CSTPP1: variants seen among roughly 807,000 people sequenced by gnomAD.
CSTPP1 encodes the protein centriolar satellite-associated tubulin polyglutamylase complex regulator 1.
At chr11:47,090,092 C>A in the CSTPP1 span, among the ~76,000 whole-genome samples, 1 of 152,178 alleles carries the variant, frequency 6.6e-6, no homozygotes, top group Admixed American at 6.5e-5. Context: ...AGCGATTCTC[C>A]TGCCTCAGCC....
At chr11:47,112,300 T>G in the CSTPP1 span, among the ~76,000 whole-genome samples, 2 of 149,110 alleles carry the variant, frequency 1.3e-5, no homozygotes, top group South Asian at 4.3e-4. Flanking sequence ...TCAGTTAACT[T>G]TCTATATAGC....
At chr11:47,093,677 TG>T in the CSTPP1 span, among the ~76,000 whole-genome samples, 1 of 152,186 alleles carries the variant, frequency 6.6e-6, no homozygotes, top group Admixed American at 6.5e-5. Context: ...TGCTTGGTCT[TG>T]GGTAAGTTCC....
chr11:47,007,932 C>T, the CSTPP1 span, among the ~76,000 whole-genome samples: 1 of 152,008 alleles, frequency 6.6e-6, no homozygotes, highest in Non-Finnish European at 1.5e-5. Flanking sequence ...TACCAGAGTC[C>T]CAGCCCCCAA....
the CSTPP1 span, among the ~76,000 whole-genome samples, chr11:47,126,066 A>G: frequency 3.3e-5 from 5 of 151,920 alleles, no homozygotes; most frequent in Admixed American, 3.3e-4. Context: ...AATGAAATAT[A>G]CTTTTCTCTT....
At chr11:46,966,745 C>A in the CSTPP1 span, among the ~76,000 whole-genome samples, 4 of 152,108 alleles carry the variant, frequency 2.6e-5, no homozygotes, top group African/African-American at 9.7e-5. Context: ...ATTAAAAAGG[C>A]ATGTACTTAT....
At chr11:46,963,661 T>C in the CSTPP1 span, among the ~76,000 whole-genome samples, 1 of 151,916 alleles carries the variant, frequency 6.6e-6, no homozygotes, top group Non-Finnish European at 1.5e-5. Context: ...TGCACACACC[T>C]GTAATCCCAG....
chr11:47,151,941 A>C, the CSTPP1 span, among the ~76,000 whole-genome samples: 1 of 152,008 alleles, frequency 6.6e-6, no homozygotes, highest in Non-Finnish European at 1.5e-5. Context: ...ACTGTTGTAG[A>C]ATAAAATTTA....
chr11:47,118,315 C>A, the CSTPP1 span, among the ~76,000 whole-genome samples: 1 of 152,150 alleles, frequency 6.6e-6, no homozygotes, highest in Non-Finnish European at 1.5e-5. Context: ...CATTTAAGGT[C>A]TTCTCTACAC....
the CSTPP1 span, among the ~76,000 whole-genome samples, chr11:46,961,726 TC>T: frequency 6.6e-6 from 1 of 152,208 alleles, no homozygotes; most frequent in Admixed American, 6.5e-5. Context: ...AGGTTTTTGA[TC>T]CATTTTAAAA....
At chr11:46,992,093 A>T in the CSTPP1 span, among the ~76,000 whole-genome samples, 1 of 152,280 alleles carries the variant, frequency 6.6e-6, no homozygotes, top group South Asian at 2.1e-4. Flanking sequence ...TGCTTTGCAT[A>T]TAATAGATGT....
chr11:47,041,603 C>T, the CSTPP1 span: 444 of 409,966 alleles, frequency 1.1e-3, 24 homozygotes, highest in African/African-American at 7.7e-3. Flanking sequence ...GCGCTCATGG[C>T]TTCCTGCATC....
At chr11:47,046,660 C>CTTTTTTTTTTTTTTTTTTTTTTTTTTTCT in the CSTPP1 span, among the ~76,000 whole-genome samples, 1 of 79,734 alleles carries the variant, frequency 1.3e-5, no homozygotes, top group African/African-American at 5.2e-5. Flanking sequence ...ATCTTCTTTT[C>CTTTTTTTTTTTTTTTTTTTTTTTTTTTCT]TTTTTTTTTT....
At chr11:47,055,259 TA>T in the CSTPP1 span, among the ~76,000 whole-genome samples, 1 of 152,070 alleles carries the variant, frequency 6.6e-6, no homozygotes, top group African/African-American at 2.4e-5. Context: ...TGTGTTTTCA[TA>T]AATACCTTTA....
At chr11:47,129,842 C>G in the CSTPP1 span, among the ~76,000 whole-genome samples, 2 of 151,916 alleles carry the variant, frequency 1.3e-5, no homozygotes, top group Non-Finnish European at 2.9e-5. Context: ...TCATTTTAAA[C>G]GTTGCCATAA....
At chr11:46,969,289 T>C in the CSTPP1 span, among the ~76,000 whole-genome samples, 1,111 of 152,332 alleles carry the variant, frequency 7.3e-3, 6 homozygotes, top group South Asian at 0.024. Flanking sequence ...ACATTGTGTA[T>C]TGAGTTTTTT....
At chr11:47,094,346 TGTAAA>T in the CSTPP1 span, among the ~76,000 whole-genome samples, 1 of 152,198 alleles carries the variant, frequency 6.6e-6, no homozygotes, top group Non-Finnish European at 1.5e-5. Context: ...GTTCAATTGG[TGTAAA>T]GTTACAGTTA....
chr11:47,108,046 T>C, the CSTPP1 span, among the ~76,000 whole-genome samples: 2 of 152,212 alleles, frequency 1.3e-5, no homozygotes, highest in African/African-American at 4.8e-5. Flanking sequence ...ATCCCCTTAA[T>C]AGAGGCATCC....
At chr11:47,016,655 T>A in the CSTPP1 span, among the ~76,000 whole-genome samples, 1 of 151,954 alleles carries the variant, frequency 6.6e-6, no homozygotes, top group African/African-American at 2.4e-5. Context: ...TAATATATGG[T>A]AACAAAGTAT....
the CSTPP1 span, among the ~76,000 whole-genome samples, chr11:47,134,356 A>G: frequency 1.3e-5 from 2 of 151,980 alleles, no homozygotes; most frequent in African/African-American, 2.4e-5. Context: ...ATGCTTGGAT[A>G]ATTTTTGTAT....
Sources: gnomAD v4.1 joint callset for allele counts (sites outside exome capture counted in the v4.1 genomes callset) on GRCh38, gnomAD v4.1.1 for gene constraint, MANE v1.5 for transcripts, NCBI Gene and HGNC (gene_info 2026-07-23, HGNC 2026-07-21) for gene names.